SGF29: variants seen among roughly 807,000 people sequenced by gnomAD.
SGF29 encodes SAGA complex associated factor 29.
SGF29 carries 15 observed loss-of-function variants against 38.1 expected under a neutral mutation model. The ratio of observed to expected loss-of-function variants is 0.39; its 90% CI spans 0.26 to 0.61. The LOEUF (loss-of-function observed/expected upper bound fraction) is 0.61. SGF29 is among the 20% of genes least tolerant of loss of function. SGF29 has a pLI of 0.49. For synonymous variants in SGF29, 151 were observed against 160.8 expected, an observed-to-expected ratio of 0.94 and a Z score of 0.46; for missense variants, 184 against 394.6, an observed-to-expected ratio of 0.47 and a Z score of 4.52.
chr16:28,564,688 T>TAC (rs1567285889), intron 1 of SGF29, among the ~76,000 whole-genome samples: 23 of 75,448 alleles, frequency 3.0e-4, no homozygotes, highest in African/African-American at 1.3e-3. Context: ...TATATATGTG[T>TAC]ATATATATGT....
chr16:28,573,739 T>C (rs939585502), intron 1 of SGF29, among the ~76,000 whole-genome samples: 1 of 152,050 alleles, frequency 6.6e-6, no homozygotes, highest in Admixed American at 6.6e-5. Flanking sequence ...GTAGTTTTGA[T>C]GGTGGGCATA....
At chr16:28,570,518 CTGATTGAT>C (rs767031165) in intron 1 of SGF29, among the ~76,000 whole-genome samples, 2 of 151,666 alleles carry the variant, frequency 1.3e-5, no homozygotes, top group African/African-American at 4.8e-5. Flanking sequence ...TCACCCATAC[CTGATTGAT>C]TGATTGATTT....
At chr16:28,564,625 ATATATATACG>A (rs2046816684) in intron 1 of SGF29, among the ~76,000 whole-genome samples, 1 of 124,154 alleles carries the variant, frequency 8.1e-6, no homozygotes, top group Non-Finnish European at 1.7e-5. Flanking sequence ...ACATATATGC[ATATATATACG>A]TATATATGTG....
Position 28,585,053 on chromosome 16 carries a change from G to A in SGF29, c.151+65G>A, listed in dbSNP as rs116776480. 1.5e-3 allele frequency: 1,814 copies of A among 1,221,290 alleles called. 23 individuals are homozygous for A. The African/African-American group carries it at 0.025, about 17-fold the overall frequency. The allele number at this position is 1,221,290 out of a possible 1,614,324, so 75.7% of individuals were successfully genotyped here. A position where few individuals can be genotyped will look rare whatever the true frequency, so the allele number is the denominator to read the frequency against. ...GGCTAGGGTGAGTATGGCCAAGACT[G>A]TGACCGAGGTGGTCATTGTATTCAA... On this transcript the variant is annotated intron_variant, in intron 3 of 9. Transcript: ENST00000317058.
chr16:28,574,307 G>A (rs1035227176), intron 1 of SGF29, among the ~76,000 whole-genome samples: 9 of 152,120 alleles, frequency 5.9e-5, no homozygotes, highest in Non-Finnish European at 1.2e-4. Flanking sequence ...CCCTCACGGC[G>A]AGCTGCCCGC....
intron 1 of SGF29, among the ~76,000 whole-genome samples, chr16:28,569,075 C>T (rs796755159): frequency 2.0e-4 from 30 of 151,334 alleles, no homozygotes; most frequent in African/African-American, 5.6e-4. Context: ...GCAACAAGAG[C>T]GAAACTCTGT....
chr16:28,587,878 C>T (rs191247598), intron 4 of SGF29, among the ~76,000 whole-genome samples: 123 of 152,296 alleles, frequency 8.1e-4, no homozygotes, highest in African/African-American at 2.8e-3. Flanking sequence ...CGGCTCACTG[C>T]AAGCTCTGCC....
intron 1 of SGF29, among the ~76,000 whole-genome samples, chr16:28,577,015 A>G (rs1052057418): frequency 6.6e-6 from 1 of 152,040 alleles, no homozygotes; most frequent in Non-Finnish European, 1.5e-5. Flanking sequence ...CTCTACTAAG[A>G]ATACAGAAAT....
intron 3 of SGF29, 97 bp from the exon 4 acceptor site, chr16:28,585,551 C>T (rs2046951667): frequency 8.9e-7 from 1 of 1,127,648 alleles, no homozygotes. Context: ...TACGGCCTCT[C>T]TGTGCCTCCA....
At chr16:28,572,440 T>C (rs546867866) in intron 1 of SGF29, among the ~76,000 whole-genome samples, 2 of 152,240 alleles carry the variant, frequency 1.3e-5, no homozygotes, top group Admixed American at 1.3e-4. Context: ...GGCTAACTTT[T>C]GTATTTTCAG....
rs1209063941 is a variant in SGF29, at chr16:28,564,728, CATATATATGTATATATGTAT to C, written c.-16+10638_-16+10657del. On this transcript the variant is annotated intron_variant, in intron 1 of 9. Coordinates refer to ENST00000317058, the MANE Select transcript of SGF29 (RefSeq NM_138414.3). ...ATATACATATATATGTATATATATACATATATATGTATATATGTATATATATGTATATATGTATATATATG... is the reference window on the plus strand; with the variant it reads ...ATATACATATATATGTATATATATACATATATGTATATATGTATATATATG... Among the ~76,000 whole-genome samples the C allele has an allele frequency of 1.1e-3, 74 of 70,224 alleles. 1 individual carries two copies. The highest frequency in any genetic ancestry group is 3.9e-3 in the African/African-American group (70 of 17,770). 46.1% of individuals were successfully genotyped at this position (70,224 alleles called of 152,430 possible).
Position 28,581,075 on chromosome 16 carries a change from C to T in SGF29, c.6C>T (p.Ala2=). 6.2e-7 allele frequency: 1 copy of T among 1,613,806 alleles called. No homozygotes were observed. The highest frequency in any genetic ancestry group is 8.5e-7 in the Non-Finnish European group (1 of 1,179,898). ...ACCAGGTGCCCCTGTAGACAATGGCCCTCGTGTCTGCCGATTCCCGCATTG... is the reference window on the plus strand; with the variant it reads ...ACCAGGTGCCCCTGTAGACAATGGCTCTCGTGTCTGCCGATTCCCGCATTG... The part of the protein sequence containing the change: M[A]LVSADSRIAE... Residue 2 remains alanine, a synonymous_variant, in exon 2 of 10, where the codon GCC becomes GCT. Transcript: ENST00000317058.
intron 9 of SGF29, 129 bp from the exon 10 acceptor site, chr16:28,591,461 G>A: frequency 1.4e-6 from 1 of 715,382 alleles, no homozygotes; most frequent in Non-Finnish European, 2.5e-6. Flanking sequence ...CTTGACCCCA[G>A]AGTGAAGGAT....
At chr16:28,584,395 C>T (rs2046943028) in intron 2 of SGF29, among the ~76,000 whole-genome samples, 1 of 151,882 alleles carries the variant, frequency 6.6e-6, no homozygotes, top group African/African-American at 2.4e-5. Flanking sequence ...GCGCCCTTGC[C>T]TGTAATTCCA....
intron 1 of SGF29, among the ~76,000 whole-genome samples, chr16:28,570,544 T>TTTTATTTATTTATTTA (rs61126025): frequency 3.6e-5 from 5 of 137,664 alleles, no homozygotes; most frequent in Admixed American, 1.5e-4. Flanking sequence ...TTTTTTTAAA[T>TTTTATTTATTTATTTA]TTTATTTATT....
At chr16:28,573,643 G>C (rs368622272) in intron 1 of SGF29, among the ~76,000 whole-genome samples, 1 of 152,178 alleles carries the variant, frequency 6.6e-6, no homozygotes, top group South Asian at 2.1e-4. Flanking sequence ...CAGTCGGAGG[G>C]GAGATGGAGT....
Position 28,590,815 on chromosome 16 carries a change from G to A in SGF29, c.645G>A (p.Gln215=). 1 of 1,614,068 alleles carries A rather than the reference G, an allele frequency of 6.2e-7. No individual in the cohort carries two copies. The highest frequency in any genetic ancestry group is 8.5e-7 in the Non-Finnish European group (1 of 1,179,976). Residue 215 remains glutamine (Q), a synonymous_variant, in exon 9 of 10, where the codon CAG becomes CAA. Coordinates refer to ENST00000317058, the MANE Select transcript of SGF29 (RefSeq NM_138414.3). This position sits in a 1 kb window ranked among gnomAD's most constrained non-coding sequence, Gnocchi z 8.2. ...LSRRRVIPLP[Q]WKANPETDPE... is the part of the protein sequence containing the mutation. ...GGCGCCGTGTCATCCCGCTGCCCCA[G>A]TGGAAGGCCAACCCGGAGACGGACC...
Position 28,591,712 on chromosome 16 carries a change from C to T in SGF29, c.*6C>T. On this transcript the variant is annotated 3_prime_UTR_variant, in exon 10 of 10. Transcript: ENST00000317058. The stretch of plus-strand genomic sequence containing the variant: ...AGGAACCCAAGAAAAAGTGATGCCG[C>T]CTGGCAGACTCGCCATCCCCCAACG... 1 of 1,598,504 alleles carries T rather than the reference C, an allele frequency of 6.3e-7. No individual in the cohort carries two copies.
At chr16:28,589,255 GC>G in intron 5 of SGF29, 91 bp downstream of exon 5, 1 of 1,314,090 alleles carries the variant, frequency 7.6e-7, no homozygotes, top group Non-Finnish European at 1.1e-6. Flanking sequence ...GGGGCCTGTG[GC>G]CACCACCTGC....
Sources: allele counts gnomAD v4.1 joint callset (sites outside exome capture counted in the v4.1 genomes callset), GRCh38; gene constraint gnomAD v4.1.1; non-coding constraint Gnocchi (gnomAD v3.1); transcripts MANE v1.5; gene names NCBI Gene and HGNC (gene_info 2026-07-23, HGNC 2026-07-21).